The following NOTCH2 variants were observed in gnomAD, a reference collection of about 807,000 sequenced individuals.
NOTCH2 encodes the protein neurogenic locus notch homolog protein 2.
NOTCH2 carries 29 observed loss-of-function variants against 235.8 expected under a neutral mutation model. That is an observed-to-expected ratio of 0.12 (90% CI 0.09 to 0.17). NOTCH2 has a LOEUF of 0.17. Among genes scored for constraint, NOTCH2 ranks in the 10% least tolerant of loss-of-function variants. The probability of loss-of-function intolerance (pLI) is 1.00; values close to 1 mark genes in which losing one functional copy is unlikely to be tolerated. For missense variants in NOTCH2, 2,285 were observed against 3,150.2 expected, an observed-to-expected ratio of 0.73 and a Z score of 6.57; for synonymous variants, 1,086 against 1,141.5, an observed-to-expected ratio of 0.95 and a Z score of 0.98.
Position 120,069,465 on chromosome 1 carries a change from G to C in NOTCH2, c.-59C>G. 1 of 1,511,724 alleles carries C rather than the reference G, an allele frequency of 6.6e-7. No homozygotes were observed. The highest frequency in any genetic ancestry group is 8.8e-7 in the Non-Finnish European group (1 of 1,139,060). The allele number at this position is 1,511,724 out of a possible 1,614,324, so 93.6% of individuals were successfully genotyped here. ...CGCCGCCTGGGCAGATCCACATGGG[G>C]AGGGGGTCCCGATAGAGGAGCCCCA... On this transcript the variant is annotated 5_prime_UTR_variant, in exon 1 of 34. Coordinates refer to ENST00000256646, the MANE Select transcript of NOTCH2 (RefSeq NM_024408.4).
chr1:119,980,328 C>A (rs587766082), intron 5 of NOTCH2, among the ~76,000 whole-genome samples: 5 of 152,262 alleles, frequency 3.3e-5, no homozygotes, highest in African/African-American at 9.6e-5. Context: ...TAAGAGTAAA[C>A]CCCTCCCAAT....
chr1:120,068,762 A>G (rs1553217533), intron 1 of NOTCH2: 1 of 346,420 alleles, frequency 2.9e-6, no homozygotes, highest in Non-Finnish European at 5.5e-6. Flanking sequence ...GCTCCCCCGG[A>G]CTTTCGGTGG....
At position 119,962,930 on chromosome 1, in the gene NOTCH2, C is replaced by T. The variant is rs587770533; in HGVS notation, c.1915+644G>A. Among the ~76,000 whole-genome samples the T allele has an allele frequency of 8.5e-5, 13 of 152,242 alleles. No homozygotes were observed. The South Asian group carries it at 1.2e-3, about 15-fold the overall frequency. On this transcript the variant is annotated intron_variant, in intron 11 of 33. Coordinates refer to ENST00000256646, the MANE Select transcript of NOTCH2 (RefSeq NM_024408.4). ...CCCAGAAAGGAGCAGCATGTCCTCA[C>T]GACCAACAAGGAGTCATTCAACCAA... is the stretch of plus-strand genomic sequence containing the variant.
At chr1:119,978,404 CAT>C (rs1323891273) in intron 5 of NOTCH2, among the ~76,000 whole-genome samples, 3 of 152,180 alleles carry the variant, frequency 2.0e-5, no homozygotes, top group African/African-American at 7.2e-5. Context: ...CGATCCAATG[CAT>C]GTTTCAGAAA....
chr1:120,009,307 C>T (rs1337138508), intron 2 of NOTCH2, among the ~76,000 whole-genome samples: 1 of 150,480 alleles, frequency 6.6e-6, no homozygotes, highest in Admixed American at 6.6e-5. Flanking sequence ...GACTTACTCT[C>T]CTAAAGCCCA....
rs781920024 is a variant in NOTCH2 at position 119,968,059 on chromosome 1, A to G, written c.1264+18T>C. 6 of 1,613,940 alleles carry G rather than the reference A, an allele frequency of 3.7e-6. No individual in the cohort carries two copies. In the East Asian group the frequency reaches 6.7e-5, roughly 18 times the overall value. ...TCAACAGACACTTCACAGAACAGAA[A>G]AAGTTCTGCTTACTCACCCATGGCA... On this transcript the variant is annotated intron_variant, in intron 7 of 33. Transcript: ENST00000256646.
intron 31 of NOTCH2, 147 bp from the exon 32 acceptor site, chr1:119,918,700 T>A (rs1649170225): frequency 5.4e-6 from 4 of 735,134 alleles, no homozygotes; most frequent in Non-Finnish European, 9.4e-6. Context: ...TGCCCAAGAT[T>A]CTATCATGAT....
chr1:120,022,638 G>GTACACTCAT (rs1328244866), intron 2 of NOTCH2, among the ~76,000 whole-genome samples: 1 of 68,192 alleles, frequency 1.5e-5, no homozygotes, highest in African/African-American at 5.0e-5. Flanking sequence ...CCTGGCCCAT[G>GTACACTCAT]TACACTCATG....
chr1:119,969,621 T>A lies in NOTCH2; in HGVS notation c.998A>T (p.Asp333Val), dbSNP rs782747038. Residue 333 changes from aspartate to valine, a missense_variant, in exon 6 of 34, where the codon GAT becomes GTT. Asp to Val is a radical substitution (Grantham distance 152, BLOSUM62 -3). Around this residue, in one of 6 missense-constraint regions of NOTCH2, gnomAD observed 431 missense variants for 757.8 expected, o/e 0.57. Transcript: ENST00000256646. Reference sequence around the variant, plus strand: ...ATCATCAATGTTCTCACTGCAGTCATCTCCACTCCAGCCGTTGACACATAC... The same window carrying A: ...ATCATCAATGTTCTCACTGCAGTCAACTCCACTCCAGCCGTTGACACATAC... Reference protein sequence around the residue: ...GCVCVNGWSGDDCSENIDDCA... With the variant: ...GCVCVNGWSGVDCSENIDDCA... The A allele has an allele frequency of 6.2e-7, 1 of 1,614,042 alleles. No homozygotes were observed. The highest frequency in any genetic ancestry group is 8.5e-7 in the Non-Finnish European group (1 of 1,179,990).
At chr1:120,047,707 TCTTGTCTTTGTACTGCCACTGA>T (rs1553213841) in intron 1 of NOTCH2, among the ~76,000 whole-genome samples, 1 of 149,690 alleles carries the variant, frequency 6.7e-6, no homozygotes, top group African/African-American at 2.5e-5. Flanking sequence ...AAGTCAGTCA[TCTTGTCTTTGTACTGCCACTGA>T]CTATTTTTGT....
In NOTCH2 at chr1:119,913,331, C is replaced by T. The variant is rs1648952446; in HGVS notation, c.*1975G>A. 1.3e-5 allele frequency: 3 copies of T among 233,296 alleles called. No individual in the cohort carries two copies. The highest frequency in any genetic ancestry group is 2.5e-5 in the Non-Finnish European group (3 of 118,070). The allele number at this position is 233,296 out of a possible 1,614,324, so 14.5% of individuals were successfully genotyped here. A position where few individuals can be genotyped will look rare whatever the true frequency, so the allele number is the denominator to read the frequency against. On this transcript the variant is annotated 3_prime_UTR_variant, in exon 34 of 34. Coordinates refer to ENST00000256646, the MANE Select transcript of NOTCH2 (RefSeq NM_024408.4). The stretch of plus-strand genomic sequence containing the variant: ...ATTTGTAAACTATTATGCCAACAGA[C>T]ACGCAGGGTTTCCATATGGGGCCAC...
chr1:119,973,215 C>T (rs587681094), intron 5 of NOTCH2, among the ~76,000 whole-genome samples: 24 of 152,296 alleles, frequency 1.6e-4, no homozygotes, highest in Middle Eastern at 6.8e-3. Flanking sequence ...ATTCACATTT[C>T]CTCCTAGTCC....
chr1:119,922,850 C>G (rs2101156880), intron 26 of NOTCH2, 72 bp from the exon 27 acceptor site: 1 of 1,595,674 alleles, frequency 6.3e-7, no homozygotes, highest in Non-Finnish European at 8.6e-7. Context: ...TCAGGCAGAA[C>G]ATGTCATAAA....
intron 4 of NOTCH2, 119 bp downstream of exon 4, chr1:119,996,878 C>T: frequency 3.2e-6 from 4 of 1,264,156 alleles, no homozygotes; most frequent in Non-Finnish European, 4.6e-6. Context: ...ACCCACCCCA[C>T]ACAAAATTCT....
In NOTCH2 at chr1:119,940,539, GA is replaced by G; in HGVS notation, c.3183+15del. Reference sequence around the variant, plus strand: ...TGCTCTAGGGGAGCTGAGTGAATGGGAAGGAAGTCAATTACCTGACAGTTTT... The same window carrying G: ...TGCTCTAGGGGAGCTGAGTGAATGGGAGGAAGTCAATTACCTGACAGTTTT... On this transcript the variant is annotated intron_variant, in intron 19 of 33. Transcript: ENST00000256646. 1 of 1,611,102 alleles carries G rather than the reference GA, an allele frequency of 6.2e-7. No homozygotes were observed. Among genetic ancestry groups the G allele is most frequent in the Non-Finnish European group, 8.5e-7 (1 of 1,178,138 alleles).
At chr1:119,979,775 T>C (rs1651739875) in intron 5 of NOTCH2, among the ~76,000 whole-genome samples, 1 of 152,078 alleles carries the variant, frequency 6.6e-6, no homozygotes, top group Non-Finnish European at 1.5e-5. Context: ...TTGATAACAA[T>C]AATATAAATA....
chr1:119,977,177 A>C (rs1346653147), intron 5 of NOTCH2, among the ~76,000 whole-genome samples: 2 of 152,084 alleles, frequency 1.3e-5, no homozygotes, highest in South Asian at 2.1e-4. Flanking sequence ...TTATCTGCTT[A>C]AGGTTCTCTT....
intron 3 of NOTCH2, among the ~76,000 whole-genome samples, chr1:120,002,254 G>T (rs1570735324): frequency 6.6e-6 from 1 of 150,608 alleles, no homozygotes; most frequent in Non-Finnish European, 1.5e-5. Flanking sequence ...GGACACTTTG[G>T]GTTCCTACCT....
At chr1:120,067,705 T>G (rs1370098166) in intron 1 of NOTCH2, among the ~76,000 whole-genome samples, 1 of 152,176 alleles carries the variant, frequency 6.6e-6, no homozygotes, top group African/African-American at 2.4e-5. Flanking sequence ...ACTTAAAGCT[T>G]TCACTCAAAG....
Sources: allele counts gnomAD v4.1 joint callset (sites outside exome capture counted in the v4.1 genomes callset), GRCh38; gene constraint gnomAD v4.1.1; regional missense constraint gnomAD v4.1.1; transcripts MANE v1.5; gene names NCBI Gene and HGNC (gene_info 2026-07-23, HGNC 2026-07-21).